The following POT1 variants were observed in gnomAD, a reference collection of about 807,000 sequenced individuals.
POT1 encodes the protein protection of telomeres protein 1.
A neutral mutation model predicts 78.5 loss-of-function variants in POT1; 47 were observed. The ratio of observed to expected loss-of-function variants is 0.60; its 90% CI spans 0.47 to 0.76. The LOEUF (loss-of-function observed/expected upper bound fraction) is 0.76. Among genes scored for constraint, POT1 ranks in the 30% least tolerant of loss-of-function variants. POT1 has a pLI of 0.00. For synonymous variants in POT1, 259 were observed against 260.7 expected (o/e 0.99, Z 0.06); for missense variants, 646 against 749.9 (o/e 0.86, Z 1.62).
At chr7:124,846,541 TTA>T (rs1318672875) in intron 12 of POT1, among the ~76,000 whole-genome samples, 3 of 152,052 alleles carry the variant, frequency 2.0e-5, no homozygotes, top group Admixed American at 6.5e-5. Context: ...AGGAGCTCCT[TTA>T]TGGTACACTG....
intron 14 of POT1, among the ~76,000 whole-genome samples, chr7:124,839,093 T>C (rs546514190): frequency 2.6e-5 from 4 of 152,268 alleles, no homozygotes; most frequent in South Asian, 2.1e-4. Flanking sequence ...TGGTGTGATA[T>C]TAGGAAAATA....
At position 124,915,578 on chromosome 7, in the gene POT1, T is replaced by C. The variant is rs1796996748; in HGVS notation, c.-158A>G. On this transcript the variant is annotated 5_prime_UTR_variant, in exon 3 of 19. Coordinates refer to ENST00000357628, the MANE Select transcript of POT1 (RefSeq NM_015450.3). ...TAGTTTGCTTATACTATATACCTTG[T>C]AGTCCAATCTGCAAAACAGCTGTTT... 1 of 152,144 alleles carries C rather than the reference T, an allele frequency of 6.6e-6. No individual in the cohort carries two copies. The highest frequency in any genetic ancestry group is 1.5e-5 in the Non-Finnish European group (1 of 68,016). 9.4% of individuals were successfully genotyped at this position (152,144 alleles called of 1,614,324 possible).
intron 11 of POT1, among the ~76,000 whole-genome samples, chr7:124,849,897 T>C (rs1250020811): frequency 6.6e-6 from 1 of 152,122 alleles, no homozygotes; most frequent in Non-Finnish European, 1.5e-5. Context: ...AAGAGTCATA[T>C]TGTTTATATA....
At chr7:124,883,551 C>T (rs1403753068) in intron 6 of POT1, among the ~76,000 whole-genome samples, 4 of 151,810 alleles carry the variant, frequency 2.6e-5, no homozygotes, top group Admixed American at 6.6e-5. Flanking sequence ...TTATTTTATG[C>T]GCCATACATT....
At chr7:124,888,389 T>C (rs1012139059) in intron 6 of POT1, among the ~76,000 whole-genome samples, 5 of 152,074 alleles carry the variant, frequency 3.3e-5, no homozygotes, top group African/African-American at 1.2e-4. Flanking sequence ...ATTTTGAAAT[T>C]AGAAAGAGAG....
chr7:124,872,673 C>T (rs1795900516), intron 6 of POT1, among the ~76,000 whole-genome samples: 7 of 152,082 alleles, frequency 4.6e-5, no homozygotes. Context: ...GTACCATCCA[C>T]GGTTTTGGGC....
At position 124,849,748 on chromosome 7, in the gene POT1, A is replaced by C. The variant is rs572550148; in HGVS notation, c.949+2124T>G. Among the ~76,000 whole-genome samples, 5 of 152,182 alleles carry C rather than the reference A, an allele frequency of 3.3e-5. No homozygotes were observed. The East Asian group carries it at 5.8e-4, about 18-fold the overall frequency. ...CTATTAAATGAAAAATGAAAAAAGCATAACATTATTATTATGCAACTATAA... is the reference window on the plus strand; with the variant it reads ...CTATTAAATGAAAAATGAAAAAAGCCTAACATTATTATTATGCAACTATAA... On this transcript the variant is annotated intron_variant, in intron 11 of 18. Transcript: ENST00000357628.
chr7:124,847,135 C>A, intron 11 of POT1, 137 bp from the exon 12 acceptor site: 1 of 611,018 alleles, frequency 1.6e-6, no homozygotes, highest in South Asian at 2.0e-5. Flanking sequence ...ATTTAGAAGG[C>A]TCAATATTGT....
chr7:124,861,846 C>G (rs1316000516), intron 8 of POT1, among the ~76,000 whole-genome samples: 1 of 152,060 alleles, frequency 6.6e-6, no homozygotes, highest in Non-Finnish European at 1.5e-5. Context: ...CCCAACACCA[C>G]TTATTAAATA....
At chr7:124,851,851 A>C (rs754423040) in intron 11 of POT1, 21 bp downstream of exon 11, 1 of 1,496,826 alleles carries the variant, frequency 6.7e-7, no homozygotes, top group East Asian at 2.3e-5. Flanking sequence ...CTAAACTGTC[A>C]ATGTTAAAGA....
chr7:124,879,909 G>A (rs1796078894), intron 6 of POT1, among the ~76,000 whole-genome samples: 1 of 152,050 alleles, frequency 6.6e-6, no homozygotes, highest in Non-Finnish European at 1.5e-5. Context: ...CATCATTTAT[G>A]TTATGTGACA....
chr7:124,831,999 T>TAAAAAAAA (rs752861454), intron 15 of POT1, among the ~76,000 whole-genome samples: 21 of 75,406 alleles, frequency 2.8e-4, no homozygotes, highest in African/African-American at 8.0e-4. Flanking sequence ...TTCTTAAAAA[T>TAAAAAAAA]AAAAAAAAAA....
rs766947417 is a variant in POT1 at position 124,863,457 on chromosome 7, A to C, written c.439T>G (p.Ser147Ala). 1 of 1,614,022 alleles carries C rather than the reference A, an allele frequency of 6.2e-7. No individual in the cohort carries two copies. Reference sequence around the variant, plus strand: ...TCACACAATTTTAGTAATGTCCAAGACGGTGACATATGAGTAGATGCCCAA... The same window carrying C: ...TCACACAATTTTAGTAATGTCCAAGCCGGTGACATATGAGTAGATGCCCAA... ...RVWASTHMSP[S>A]WTLLKLCDVQ... Residue 147 changes from serine (S) to alanine (A), a missense_variant, in exon 8 of 19, where the codon TCT becomes GCT. Transcript: ENST00000357628.
At chr7:124,841,540 G>A (rs777004069) in intron 13 of POT1, among the ~76,000 whole-genome samples, 1 of 151,798 alleles carries the variant, frequency 6.6e-6, no homozygotes. Flanking sequence ...CAGTGGCCCC[G>A]TCTTCACTCC....
intron 3 of POT1, among the ~76,000 whole-genome samples, chr7:124,901,820 G>A (rs1013061166): frequency 2.0e-5 from 3 of 152,178 alleles, no homozygotes; most frequent in Admixed American, 6.5e-5. Flanking sequence ...AATAAATAGA[G>A]AAGACCTTAA....
At chr7:124,825,446 T>G (rs977438926) in intron 17 of POT1, 89 bp from the exon 18 acceptor site, 2 of 783,760 alleles carry the variant, frequency 2.6e-6, no homozygotes, top group Non-Finnish European at 3.9e-6. Context: ...TATTGTCCAA[T>G]TAAAAGATAA....
intron 13 of POT1, 63 bp downstream of exon 13, chr7:124,842,744 C>A: frequency 8.0e-7 from 1 of 1,255,278 alleles, no homozygotes. Flanking sequence ...CAAAATTATA[C>A]ATATGTGTAC....
chr7:124,926,519 A>C (rs1456626052), intron 2 of POT1, among the ~76,000 whole-genome samples: 1 of 152,172 alleles, frequency 6.6e-6, no homozygotes, highest in Non-Finnish European at 1.5e-5. Context: ...GGAAAACAGT[A>C]TAATGAGTTT....
At chr7:124,912,112 C>G (rs1397713833) in intron 3 of POT1, among the ~76,000 whole-genome samples, 1 of 152,074 alleles carries the variant, frequency 6.6e-6, no homozygotes, top group Non-Finnish European at 1.5e-5. Context: ...TATCTAATTA[C>G]AATAATAGTA....
Sources: gnomAD v4.1 joint callset for allele counts (sites outside exome capture counted in the v4.1 genomes callset) on GRCh38, gnomAD v4.1.1 for gene constraint, MANE v1.5 for transcripts, NCBI Gene and HGNC (gene_info 2026-07-23, HGNC 2026-07-21) for gene names.